Variants in COL4A4 observed in about 807,000 individuals in gnomAD.
COL4A4 encodes the protein collagen type IV alpha 4 chain, also known as collagen alpha-4(IV) chain.
A neutral mutation model predicts 192.9 loss-of-function variants in COL4A4; 105 were observed. That is an observed-to-expected ratio of 0.54 (90% CI 0.46 to 0.64). The LOEUF is 0.64. Among genes scored for constraint, COL4A4 ranks in the 30% least tolerant of loss-of-function variants. COL4A4 has a pLI of 0.00. For missense variants in COL4A4, 1,967 were observed against 2,169.3 expected (o/e 0.91, Z 1.85); for synonymous variants, 762 against 769.9 (o/e 0.99, Z 0.17).
intron 37 of COL4A4, among the ~76,000 whole-genome samples, chr2:227,035,522 C>G (rs933689455): frequency 1.4e-5 from 2 of 144,342 alleles, no homozygotes; most frequent in Admixed American, 1.4e-4. Flanking sequence ...GCCATATTCT[C>G]GTGCACCAAA....
intron 20 of COL4A4, among the ~76,000 whole-genome samples, chr2:227,093,223 A>G (rs918306407): frequency 6.6e-6 from 1 of 152,082 alleles, no homozygotes; most frequent in African/African-American, 2.4e-5. Context: ...ATTTACTTAT[A>G]GTTTAAATAA....
At chr2:227,034,532 GT>G (rs1320712399) in intron 37 of COL4A4, among the ~76,000 whole-genome samples, 40 of 150,820 alleles carry the variant, frequency 2.7e-4, no homozygotes, top group Non-Finnish European at 5.3e-4. Flanking sequence ...CTTCCACCCA[GT>G]AGCTGTTCTT....
At chr2:227,062,767 A>C (rs935506063) in intron 25 of COL4A4, among the ~76,000 whole-genome samples, 169 bp from the exon 26 acceptor site, 5 of 152,208 alleles carry the variant, frequency 3.3e-5, no homozygotes, top group African/African-American at 1.2e-4. Context: ...TTTCATACAG[A>C]ATTTTTAGAT....
chr2:227,101,199 T>A (rs551548269), intron 17 of COL4A4, among the ~76,000 whole-genome samples: 1 of 152,182 alleles, frequency 6.6e-6, no homozygotes, highest in South Asian at 2.1e-4. Flanking sequence ...TCTCTTTGCC[T>A]GCTGCCATCC....
chr2:227,041,884 A>G (rs906030698), intron 37 of COL4A4, among the ~76,000 whole-genome samples: 17 of 146,774 alleles, frequency 1.2e-4, no homozygotes, highest in East Asian at 7.9e-4. Flanking sequence ...GAAAGAAAGA[A>G]AGAAAGAAAG....
At chr2:227,082,046 T>C in intron 23 of COL4A4, 69 bp downstream of exon 23, 1 of 1,290,552 alleles carries the variant, frequency 7.7e-7, no homozygotes, top group Non-Finnish European at 1.1e-6. Flanking sequence ...ACAGGGGAAA[T>C]TACTGCAAGA....
intron 32 of COL4A4, 68 bp downstream of exon 32, chr2:227,052,237 T>C: frequency 1.1e-6 from 1 of 951,116 alleles, no homozygotes; most frequent in Non-Finnish European, 1.7e-6. Context: ...TGGGGAAAGT[T>C]GCCTAACAAA....
chr2:227,017,799 T>C (rs924912378), intron 44 of COL4A4, among the ~76,000 whole-genome samples: 4 of 152,236 alleles, frequency 2.6e-5, no homozygotes, highest in African/African-American at 9.6e-5. Flanking sequence ...TTTTTAATTT[T>C]TTTTTTACCT....
the COL4A4 span, among the ~76,000 whole-genome samples, chr2:226,992,187 C>CTG: frequency 3.7e-4 from 56 of 152,206 alleles, 1 homozygote; most frequent in Non-Finnish European, 7.3e-5. Flanking sequence ...AAGTAGAAGA[C>CTG]AGAGTGTACC....
intron 1 of COL4A4, among the ~76,000 whole-genome samples, chr2:227,147,831 A>G (rs2063648372): frequency 6.7e-6 from 1 of 148,470 alleles, no homozygotes. Flanking sequence ...TATTTTTAAA[A>G]TATATATTTT....
intron 46 of COL4A4, among the ~76,000 whole-genome samples, chr2:227,008,855 T>C (rs1962820678): frequency 6.6e-6 from 1 of 152,210 alleles, no homozygotes; most frequent in Non-Finnish European, 1.5e-5. Flanking sequence ...GTGTCTGCAC[T>C]GTCTGTCTCA....
chr2:227,070,277 T>C (rs1281813414), intron 25 of COL4A4, among the ~76,000 whole-genome samples: 2 of 151,894 alleles, frequency 1.3e-5, no homozygotes, highest in Non-Finnish European at 2.9e-5. Flanking sequence ...GGTGGGACTG[T>C]AAACTAGTTC....
Position 227,080,474 on chromosome 2 carries a change from T to C in COL4A4, c.1772A>G (p.His591Arg), listed in dbSNP as rs773347000. Residue 591 changes from histidine to arginine, a missense_variant, in exon 24 of 48, where the codon CAT becomes CGT. Physicochemically the swap from His to Arg is conservative, Grantham distance 29 (BLOSUM62 0). Transcript: ENST00000396625. ...TCCTGGATCCCCTTTTTCTCCAGCATGTCCATCCCGACCATGTGATCCTGG... is the reference window on the plus strand; with the variant it reads ...TCCTGGATCCCCTTTTTCTCCAGCACGTCCATCCCGACCATGTGATCCTGG... Reference protein sequence around the residue: ...GQPGSHGRDGHAGEKGDPGPP... With the variant: ...GQPGSHGRDGRAGEKGDPGPP... 3.1e-6 allele frequency: 5 copies of C among 1,614,056 alleles called. No individual in the cohort carries two copies. Among genetic ancestry groups the C allele is most frequent in the South Asian group, 2.2e-5 (2 of 91,082 alleles).
Position 227,032,146 on chromosome 2 carries a change from A to ACCTGGGGGT in COL4A4, c.3699_3706+1dup. 6.2e-7 allele frequency: 1 copy of ACCTGGGGGT among 1,614,186 alleles called. No individual in the cohort carries two copies. The highest frequency in any genetic ancestry group is 8.5e-7 in the Non-Finnish European group (1 of 1,180,026). On this transcript the variant is annotated splice_donor_variant, in intron 39 of 47. Coordinates refer to ENST00000396625, the MANE Select transcript of COL4A4 (RefSeq NM_000092.5). LOFTEE classifies it high-confidence loss of function. ...AGAAGGGCAAAGCATGCTACAGCTT[A>ACCTGGGGGT]CCTGGGGGTCCTGGGGGACCTTTCT...
rs565560454 is a variant in COL4A4 at position 227,129,597 on chromosome 2, T to C, written c.193-8449A>G. ...CTAATTTTTGTATTTTTAGCAGAGATGGCGTTTTGCCATGTTGGCCAGGCT... is the reference window on the plus strand; with the variant it reads ...CTAATTTTTGTATTTTTAGCAGAGACGGCGTTTTGCCATGTTGGCCAGGCT... On this transcript the variant is annotated intron_variant, in intron 4 of 47. Transcript: ENST00000396625. Among the ~76,000 whole-genome samples, 403 of 152,124 alleles carry C rather than the reference T, an allele frequency of 2.6e-3. 1 individual carries two copies. Among genetic ancestry groups the C allele is most frequent in the African/African-American group, 9.3e-3 (387 of 41,512 alleles).
chr2:227,116,332 C>G (rs2061492007), intron 7 of COL4A4, among the ~76,000 whole-genome samples: 1 of 152,158 alleles, frequency 6.6e-6, no homozygotes, highest in Non-Finnish European at 1.5e-5. Context: ...ACTTTAAGAT[C>G]AGAAGGATCC....
At chr2:227,052,052 G>T (rs889891748) in intron 32 of COL4A4, among the ~76,000 whole-genome samples, 1 of 152,022 alleles carries the variant, frequency 6.6e-6, no homozygotes, top group Admixed American at 6.5e-5. Flanking sequence ...TTAGCCAGGC[G>T]TGGTGGCATG....
chr2:227,024,295 G>C (rs575180556), intron 43 of COL4A4, among the ~76,000 whole-genome samples: 1 of 152,366 alleles, frequency 6.6e-6, no homozygotes, highest in South Asian at 2.1e-4. Flanking sequence ...TGGACTGCCT[G>C]AGTTTGGGAG....
chr2:227,063,915 C>G (rs1462446166), intron 25 of COL4A4, among the ~76,000 whole-genome samples: 2 of 151,858 alleles, frequency 1.3e-5, no homozygotes, highest in Non-Finnish European at 2.9e-5. Context: ...TTTGGTATGT[C>G]AAATAAAACA....
Sources: allele counts gnomAD v4.1 joint callset (sites outside exome capture counted in the v4.1 genomes callset), GRCh38; gene constraint gnomAD v4.1.1; transcripts MANE v1.5; gene names NCBI Gene and HGNC (gene_info 2026-07-23, HGNC 2026-07-21).